PRKCB: variants seen among roughly 807,000 people sequenced by gnomAD.
PRKCB encodes the protein protein kinase C beta.
PRKCB carries 13 observed loss-of-function variants against 81.5 expected under a neutral mutation model. That is an observed-to-expected ratio of 0.16 (90% CI 0.10 to 0.25). The LOEUF is 0.25. PRKCB is among the 10% of genes least tolerant of loss of function. The pLI, the probability that PRKCB is intolerant of heterozygous loss-of-function variation, is 1.00. For missense variants in PRKCB, 509 were observed against 875.7 expected, an observed-to-expected ratio of 0.58 and a Z score of 5.29; for synonymous variants, 335 against 321.4, an observed-to-expected ratio of 1.04 and a Z score of -0.45.
At chr16:24,146,481 G>A (rs1167005353) in intron 9 of PRKCB, among the ~76,000 whole-genome samples, 1 of 152,170 alleles carries the variant, frequency 6.6e-6, no homozygotes, top group Non-Finnish European at 1.5e-5. Flanking sequence ...AGAAAACAGT[G>A]AATTTCTCAA....
At chr16:24,036,091 A>T (rs1464107879) in intron 5 of PRKCB, among the ~76,000 whole-genome samples, 3 of 152,120 alleles carry the variant, frequency 2.0e-5, no homozygotes, top group Non-Finnish European at 2.9e-5. Context: ...CTTGAACCTG[A>T]TGGTGGCTAT....
intron 3 of PRKCB, among the ~76,000 whole-genome samples, chr16:24,016,528 G>A (rs897125076): frequency 1.3e-5 from 2 of 151,862 alleles, no homozygotes; most frequent in African/African-American, 4.8e-5. Flanking sequence ...AAGAATGTCT[G>A]GTTATAAAAT....
At chr16:23,989,556 A>G (rs1417794982) in intron 3 of PRKCB, among the ~76,000 whole-genome samples, 1 of 152,264 alleles carries the variant, frequency 6.6e-6, no homozygotes, top group Non-Finnish European at 1.5e-5. Context: ...GTGGATTGGG[A>G]AAAATGTATC....
rs537353451 is a variant in PRKCB at position 24,114,487 on chromosome 16, G to C, written c.918+1418G>C. 5.9e-5 allele frequency among the ~76,000 whole-genome samples: 9 copies of C among 152,100 alleles called. No individual in the cohort carries two copies. The East Asian group carries it at 1.8e-3, about 30-fold the overall frequency. ...ATGGAAAGCCCTTGGCTGTGACCTT[G>C]AGTTACATTGCTGGCTCTGCTCCTA... On this transcript the variant is annotated intron_variant, in intron 8 of 16. Transcript: ENST00000643927.
intron 9 of PRKCB, among the ~76,000 whole-genome samples, chr16:24,130,683 G>T (rs1459550590): frequency 1.3e-5 from 2 of 152,172 alleles, no homozygotes; most frequent in Middle Eastern, 3.2e-3. Context: ...TGGGGACAAG[G>T]TGTCTTTCGT....
chr16:24,194,628 G>A (rs551121415), intron 16 of PRKCB, among the ~76,000 whole-genome samples: 9 of 152,282 alleles, frequency 5.9e-5, no homozygotes, highest in Admixed American at 3.9e-4. Flanking sequence ...GTCTAGCCTC[G>A]TGCCTGGCTC....
chr16:24,126,536 A>G (rs1966844557), intron 9 of PRKCB, among the ~76,000 whole-genome samples: 1 of 151,988 alleles, frequency 6.6e-6, no homozygotes, highest in South Asian at 2.1e-4. Flanking sequence ...TGACCCCCAA[A>G]TAACTGCATG....
intron 9 of PRKCB, among the ~76,000 whole-genome samples, chr16:24,146,779 A>G (rs894443039): frequency 3.9e-5 from 6 of 152,242 alleles, no homozygotes; most frequent in Admixed American, 3.9e-4. Context: ...TTTGATAAGA[A>G]CGTCACTTCA....
chr16:24,113,038 A>C lies in PRKCB; in HGVS notation c.887A>C (p.Glu296Ala). 1.2e-6 allele frequency: 2 copies of C among 1,613,098 alleles called. No individual in the cohort carries two copies. Among genetic ancestry groups the C allele is most frequent in the Admixed American group, 3.3e-5 (2 of 59,928 alleles). ...FNVPVPPEGS[E>A]ANEELRQKFE... ...GTGCCTGTGCCACCAGAAGGAAGTG[A>C]GGCCAATGAAGAACTGCGGCAGAAA... Residue 296 changes from glutamate (E) to alanine (A), a missense_variant, in exon 8 of 17, where the codon GAG becomes GCG. Transcript: ENST00000643927.
chr16:23,918,825 G>T (rs1963782675), intron 2 of PRKCB, among the ~76,000 whole-genome samples: 1 of 152,096 alleles, frequency 6.6e-6, no homozygotes, highest in South Asian at 2.1e-4. Context: ...TTGCAGAGAG[G>T]CTATAAATGA....
At chr16:24,164,902 C>A (rs955950050) in intron 10 of PRKCB, among the ~76,000 whole-genome samples, 1 of 152,078 alleles carries the variant, frequency 6.6e-6, no homozygotes, top group Non-Finnish European at 1.5e-5. Context: ...GGAACAAAGG[C>A]AAATTTAAGG....
At chr16:24,193,424 G>C (rs200026533) in intron 16 of PRKCB, among the ~76,000 whole-genome samples, 1 of 150,166 alleles carries the variant, frequency 6.7e-6, no homozygotes, top group African/African-American at 2.5e-5. Context: ...CAGCCTGGGC[G>C]ACAGAGTGAG....
At chr16:24,114,649 A>G (rs1411413435) in intron 8 of PRKCB, among the ~76,000 whole-genome samples, 1 of 152,186 alleles carries the variant, frequency 6.6e-6, no homozygotes, top group Admixed American at 6.5e-5. Context: ...TACTTACATT[A>G]TATGTGCATT....
intron 2 of PRKCB, among the ~76,000 whole-genome samples, chr16:23,939,017 A>G (rs1050244621): frequency 3.9e-5 from 6 of 152,248 alleles, no homozygotes; most frequent in African/African-American, 9.6e-5. Flanking sequence ...CCTACAACAC[A>G]TAAGTGAATT....
At chr16:23,868,195 C>A (rs2141096951) in intron 2 of PRKCB, among the ~76,000 whole-genome samples, 1 of 152,222 alleles carries the variant, frequency 6.6e-6, no homozygotes, top group East Asian at 1.9e-4. Context: ...TCAGGTCCTG[C>A]AAAAAATATT....
chr16:24,180,099 C>G (rs564130162), intron 12 of PRKCB, among the ~76,000 whole-genome samples: 1 of 152,290 alleles, frequency 6.6e-6, no homozygotes, highest in South Asian at 2.1e-4. Flanking sequence ...CGCCCACGAC[C>G]ACGCCCAGCT....
intron 2 of PRKCB, among the ~76,000 whole-genome samples, chr16:23,986,869 C>T (rs1156406316): frequency 6.6e-6 from 1 of 152,114 alleles, no homozygotes; most frequent in Non-Finnish European, 1.5e-5. Flanking sequence ...ATCTGTAATC[C>T]TCCCCTTTCT....
Position 24,150,050 on chromosome 16 carries a change from GC to G in PRKCB, c.1066-4633del, listed in dbSNP as rs530545774. On this transcript the variant is annotated intron_variant, in intron 9 of 16. Transcript: ENST00000643927. ...CAGTGGTAGAAAAGGACCACGCTAG[GC>G]TGAGTGTGGTGGCTTACGCCTGTAA... is the stretch of plus-strand genomic sequence containing the variant. 1.3e-4 allele frequency among the ~76,000 whole-genome samples: 20 copies of G among 152,282 alleles called. No individual in the cohort carries two copies. The South Asian group carries it at 3.9e-3, about 30-fold the overall frequency.
At chr16:24,138,677 C>G (rs1226052114) in intron 9 of PRKCB, among the ~76,000 whole-genome samples, 1 of 151,876 alleles carries the variant, frequency 6.6e-6, no homozygotes, top group Non-Finnish European at 1.5e-5. Flanking sequence ...CATGCCATAC[C>G]TTTTAAATTG....
Sources: gnomAD v4.1 joint callset for allele counts (sites outside exome capture counted in the v4.1 genomes callset) on GRCh38, gnomAD v4.1.1 for gene constraint, MANE v1.5 for transcripts, NCBI Gene and HGNC (gene_info 2026-07-23, HGNC 2026-07-21) for gene names.